Variants in CRACDL observed in about 807,000 individuals in gnomAD.
CRACDL encodes CRACD-like protein.
Under a neutral mutation model 70.6 loss-of-function variants are expected in CRACDL, and 26 were observed. The ratio of observed to expected loss-of-function variants is 0.37; its 90% confidence interval spans 0.27 to 0.51. The LOEUF (loss-of-function observed/expected upper bound fraction) is 0.51, where lower values mean the gene tolerates loss of function less well. Among genes scored for constraint, CRACDL ranks in the 20% least tolerant of loss-of-function variants. The pLI is 0.94. For missense variants in CRACDL, 1,283 were observed against 1,376.9 expected (o/e 0.93, Z 1.08); for synonymous variants, 618 against 615.2 (o/e 1.00, Z -0.07).
intron 1 of CRACDL, among the ~76,000 whole-genome samples, chr2:98,875,953 C>T (rs1312862994): frequency 6.6e-6 from 1 of 152,298 alleles, no homozygotes; most frequent in Non-Finnish European, 1.5e-5. Context: ...ACATGGCCTG[C>T]CGGCCTGCTT....
Position 98,797,355 on chromosome 2 carries a change from C to T in CRACDL, c.2599G>A (p.Gly867Ser). The change falls in exon 8 of 10, where the codon GGC (glycine) becomes AGC (serine). Residue 867 changes from glycine to serine, a missense_variant. Transcript: ENST00000397899. The part of the protein sequence containing the change: ...PGKQAKVPER[G>S]QEPVKQADFV... ...GAAGTATTTGCTCTAAGCACCTGGC[C>T]TCTCTCGGGCACCTTGGCTTGCTTT... 7.4e-6 allele frequency: 12 copies of T among 1,614,182 alleles called. No individual in the cohort carries two copies. Among genetic ancestry groups the T allele is most frequent in the Non-Finnish European group, 9.3e-6 (11 of 1,180,010 alleles).
chr2:98,895,518 A>T (rs376794670), intron 1 of CRACDL, among the ~76,000 whole-genome samples: 3 of 152,170 alleles, frequency 2.0e-5, no homozygotes, highest in East Asian at 3.9e-4. Flanking sequence ...GCAGGGGGGA[A>T]CATAACCTGC....
rs754481061 is a variant in CRACDL at position 98,797,553 on chromosome 2, A to G, written c.2417-16T>C. ...AGACTCTTTTCTGTTGGGTAAAGGC[A>G]CAAGATTATAGAAACAGTCCTATTC... On this transcript the variant is annotated splice_polypyrimidine_tract_variant and intron_variant, in intron 7 of 9. Coordinates refer to ENST00000397899, the MANE Select transcript of CRACDL (RefSeq NM_207362.3). The G allele has an allele frequency of 1.2e-6, 2 of 1,612,022 alleles. No homozygotes were observed. The highest frequency in any genetic ancestry group is 1.7e-6 in the Non-Finnish European group (2 of 1,179,510).
intron 1 of CRACDL, 24 bp from the exon 2 acceptor site, chr2:98,846,834 T>C: frequency 6.3e-7 from 1 of 1,589,542 alleles, no homozygotes; most frequent in Non-Finnish European, 8.6e-7. Flanking sequence ...GAAATTCACG[T>C]TAAAGAAACA....
Position 98,870,226 on chromosome 2 carries a change from C to A in CRACDL, c.-10-23416G>T, listed in dbSNP as rs76236076. 2.0e-3 allele frequency among the ~76,000 whole-genome samples: 310 copies of A among 152,232 alleles called. 2 individuals carry two copies. Among genetic ancestry groups the A allele is most frequent in the African/African-American group, 6.8e-3 (281 of 41,510 alleles). On this transcript the variant is annotated intron_variant, in intron 1 of 9. Transcript: ENST00000397899. ...GACAGAGGGCTCTGGGTGGCAGGTG[C>A]GATTCTATGTTAGTAAAACTCAGGA...
Position 98,866,472 on chromosome 2 carries a change from C to CTTTTTTTTT in CRACDL, c.-10-19663_-10-19662insAAAAAAAAA, listed in dbSNP as rs869154325. ...CACCTGATAGATGAAACAATCACTT[C>CTTTTTTTTT]TTCTTTTTTTTTTTTTTTTTTTTTT... On this transcript the variant is annotated intron_variant, in intron 1 of 9. Transcript: ENST00000397899. 2.8e-5 allele frequency among the ~76,000 whole-genome samples: 3 copies of CTTTTTTTTT among 107,812 alleles called. 1 individual carries two copies. The highest frequency in any genetic ancestry group is 1.1e-4 in the African/African-American group (3 of 28,392). The allele number at this position is 107,812 out of a possible 152,430, so 70.7% of individuals were successfully genotyped here. A position where few individuals can be genotyped will look rare whatever the true frequency, so the allele number is the denominator to read the frequency against.
intron 1 of CRACDL, among the ~76,000 whole-genome samples, chr2:98,855,774 T>G (rs1706675688): frequency 6.6e-6 from 1 of 152,122 alleles, no homozygotes; most frequent in Non-Finnish European, 1.5e-5. Flanking sequence ...CAAATTGAGA[T>G]TATTAAAAGA....
chr2:98,902,184 A>G (rs1336429495), intron 1 of CRACDL, among the ~76,000 whole-genome samples: 2 of 152,224 alleles, frequency 1.3e-5, no homozygotes, highest in African/African-American at 4.8e-5. Flanking sequence ...CATACGGCAC[A>G]AGGGAAGAAT....
intron 1 of CRACDL, among the ~76,000 whole-genome samples, chr2:98,908,824 C>G (rs188089675): frequency 1.3e-5 from 2 of 152,330 alleles, no homozygotes; most frequent in East Asian, 3.9e-4. Context: ...TCACAATTTC[C>G]ACTAAAAGTC....
chr2:98,854,050 G>A (rs1050216226), intron 1 of CRACDL, among the ~76,000 whole-genome samples: 3 of 152,044 alleles, frequency 2.0e-5, no homozygotes, highest in Admixed American at 1.3e-4. Flanking sequence ...TTGGGAGGCC[G>A]AGGTGGGTGG....
intron 1 of CRACDL, among the ~76,000 whole-genome samples, chr2:98,934,345 C>T (rs541833686): frequency 5.3e-5 from 8 of 151,796 alleles, no homozygotes; most frequent in African/African-American, 1.9e-4. Flanking sequence ...TTACAGGCGC[C>T]ACACCTGGCT....
chr2:98,858,512 C>CAAAAA (rs370742460), intron 1 of CRACDL, among the ~76,000 whole-genome samples: 2 of 56,210 alleles, frequency 3.6e-5, no homozygotes, highest in South Asian at 5.7e-4. Flanking sequence ...GAGACTCTGT[C>CAAAAA]AAAAAAAAAA....
At chr2:98,906,367 T>C (rs1248969514) in intron 1 of CRACDL, among the ~76,000 whole-genome samples, 1 of 151,530 alleles carries the variant, frequency 6.6e-6, no homozygotes, top group Non-Finnish European at 1.5e-5. Context: ...ATTCAAGCAA[T>C]TCTCCTGCCT....
chr2:98,935,691 A>G (rs1449820335), intron 1 of CRACDL, among the ~76,000 whole-genome samples: 1 of 152,216 alleles, frequency 6.6e-6, no homozygotes, highest in Non-Finnish European at 1.5e-5. Flanking sequence ...GGGTCCAGCA[A>G]AGTGAGCAAA....
At chr2:98,847,002 G>A (rs1242560086) in intron 1 of CRACDL, among the ~76,000 whole-genome samples, 192 bp from the exon 2 acceptor site, 4 of 152,174 alleles carry the variant, frequency 2.6e-5, no homozygotes, top group South Asian at 2.1e-4. Flanking sequence ...CCGCATAAGC[G>A]TTTAATCACT....
intron 1 of CRACDL, among the ~76,000 whole-genome samples, chr2:98,875,484 G>A (rs563770864): frequency 6.6e-6 from 1 of 152,338 alleles, no homozygotes; most frequent in African/African-American, 2.4e-5. Flanking sequence ...TGGGTGTGAT[G>A]AGACAGGCCA....
intron 1 of CRACDL, among the ~76,000 whole-genome samples, chr2:98,933,432 C>A (rs1418827726): frequency 6.6e-6 from 1 of 152,114 alleles, no homozygotes; most frequent in African/African-American, 2.4e-5. Context: ...GAAATAATAC[C>A]ATTGAATTAG....
At chr2:98,861,282 G>C (rs1489738826) in intron 1 of CRACDL, among the ~76,000 whole-genome samples, 2 of 152,148 alleles carry the variant, frequency 1.3e-5, no homozygotes, top group Non-Finnish European at 2.9e-5. Context: ...GGGAGGTGGA[G>C]GTTGCAGTGA....
At chr2:98,808,148 C>A (rs1235926538) in intron 7 of CRACDL, among the ~76,000 whole-genome samples, 1 of 152,234 alleles carries the variant, frequency 6.6e-6, no homozygotes, top group Non-Finnish European at 1.5e-5. Context: ...AGCCTCACCA[C>A]TCCAAGTGTC....
Sources: gnomAD v4.1 joint callset for allele counts (sites outside exome capture counted in the v4.1 genomes callset) on GRCh38, gnomAD v4.1.1 for gene constraint, MANE v1.5 for transcripts, NCBI Gene and HGNC (gene_info 2026-07-23, HGNC 2026-07-21) for gene names.